PRKAR1B: variants seen among roughly 807,000 people sequenced by gnomAD.
PRKAR1B encodes cAMP-dependent protein kinase type I-beta regulatory subunit.
A neutral mutation model predicts 46.5 loss-of-function variants in PRKAR1B; 22 were observed. The observed-to-expected ratio is 0.47, with a 90% CI of 0.34 to 0.68. The LOEUF (loss-of-function observed/expected upper bound fraction) is 0.68, where lower values mean the gene tolerates loss of function less well. Ranked by LOEUF, PRKAR1B falls within the 30% of genes least tolerant of loss-of-function variation. The pLI, the probability that PRKAR1B is intolerant of heterozygous loss-of-function variation, is 0.01. For missense variants in PRKAR1B, 445 were observed against 535.6 expected (o/e 0.83, Z 1.67); for synonymous variants, 259 against 217.7 (o/e 1.19, Z -1.67).
intron 1 of PRKAR1B, among the ~76,000 whole-genome samples, chr7:726,150 T>C (rs776203349): frequency 2.0e-5 from 3 of 152,174 alleles, no homozygotes; most frequent in Non-Finnish European, 4.4e-5. Flanking sequence ...TCTTGATAAA[T>C]TGGCTCTACC....
intron 9 of PRKAR1B, among the ~76,000 whole-genome samples, chr7:575,114 G>A (rs1217041983): frequency 6.6e-6 from 1 of 152,254 alleles, no homozygotes; most frequent in Non-Finnish European, 1.5e-5. Context: ...CAGTTCGGGG[G>A]TTGGAGGGGC....
intron 10 of PRKAR1B, 54 bp downstream of exon 10, chr7:551,335 C>A (rs1405199143): frequency 6.6e-7 from 1 of 1,520,610 alleles, no homozygotes; most frequent in Non-Finnish European, 8.9e-7. Flanking sequence ...CCTCCCGAGA[C>A]CCCAAATGAG....
chr7:725,907 G>A (rs1281202374), intron 1 of PRKAR1B, among the ~76,000 whole-genome samples: 6 of 152,180 alleles, frequency 3.9e-5, no homozygotes, highest in African/African-American at 1.4e-4. Flanking sequence ...ACAGAAGACA[G>A]CAAGAGAATC....
chr7:583,952 C>A (rs946504121), intron 8 of PRKAR1B, among the ~76,000 whole-genome samples: 1 of 152,232 alleles, frequency 6.6e-6, no homozygotes, highest in East Asian at 1.9e-4. Context: ...GTCTTTCCTG[C>A]CAGGCCGTTA....
intron 2 of PRKAR1B, among the ~76,000 whole-genome samples, chr7:692,689 G>A (rs1033405438): frequency 2.0e-5 from 3 of 152,132 alleles, no homozygotes; most frequent in African/African-American, 7.2e-5. Flanking sequence ...GCCAAACTGC[G>A]CTCATACCAG....
intron 4 of PRKAR1B, among the ~76,000 whole-genome samples, chr7:627,831 C>T (rs896470153): frequency 6.6e-6 from 1 of 152,234 alleles, no homozygotes; most frequent in Admixed American, 6.5e-5. Context: ...CAACTCCACT[C>T]GGCCCTCACT....
intron 4 of PRKAR1B, among the ~76,000 whole-genome samples, chr7:647,515 CG>C (rs912933725): frequency 1.3e-5 from 2 of 152,050 alleles, no homozygotes; most frequent in African/African-American, 2.4e-5. Flanking sequence ...TCTTAAAACA[CG>C]TACCTCCAGG....
At chr7:674,269 G>C (rs1028866343) in intron 4 of PRKAR1B, among the ~76,000 whole-genome samples, 1 of 150,864 alleles carries the variant, frequency 6.6e-6, no homozygotes, top group Non-Finnish European at 1.5e-5. Context: ...GCCACACCCA[G>C]CTACTCTAGT....
intron 4 of PRKAR1B, among the ~76,000 whole-genome samples, chr7:608,758 T>A (rs111897169): frequency 4.4e-5 from 4 of 91,404 alleles, no homozygotes; most frequent in African/African-American, 2.2e-4. Flanking sequence ...TAGGGAAGGC[T>A]GGGGGGCCTC....
rs559735729 is a variant in PRKAR1B, at chr7:658,154, C to T, written c.440+19075G>A. Among the ~76,000 whole-genome samples, 14 of 152,182 alleles carry T rather than the reference C, an allele frequency of 9.2e-5. No homozygotes were observed. The South Asian group carries it at 1.0e-3, about 11-fold the overall frequency. On this transcript the variant is annotated intron_variant, in intron 4 of 10. Transcript: ENST00000537384. ...ACTAGATCAAAAATTAGCAACTTGGCGGGGTCCGGTGGCTCACACCTGTAA... is the reference window on the plus strand; with the variant it reads ...ACTAGATCAAAAATTAGCAACTTGGTGGGGTCCGGTGGCTCACACCTGTAA...
intron 7 of PRKAR1B, among the ~76,000 whole-genome samples, chr7:595,154 G>T (rs981617179): frequency 5.9e-5 from 9 of 152,230 alleles, no homozygotes; most frequent in East Asian, 1.9e-4. Flanking sequence ...ACTGCCCCAC[G>T]CGGGAAGGCC....
chr7:719,091 G>T (rs1464556173), intron 1 of PRKAR1B, among the ~76,000 whole-genome samples: 2 of 152,026 alleles, frequency 1.3e-5, no homozygotes, highest in East Asian at 3.9e-4. Flanking sequence ...CCAGGCTGGA[G>T]TGCAGTGGCC....
At position 655,130 on chromosome 7, in the gene PRKAR1B, C is replaced by G. The variant is rs548156871; in HGVS notation, c.440+22099G>C. Among the ~76,000 whole-genome samples, 5 of 152,316 alleles carry G rather than the reference C, an allele frequency of 3.3e-5. No individual in the cohort carries two copies. The South Asian group carries it at 1.0e-3, about 32-fold the overall frequency. On this transcript the variant is annotated intron_variant, in intron 4 of 10. Coordinates refer to ENST00000537384, the MANE Select transcript of PRKAR1B (RefSeq NM_001164760.2). ...TGCCCTTGTCCCCCTACCTTCTATT[C>G]TTAGTGGAGAGCCAGACAGACCCTG...
intron 9 of PRKAR1B, among the ~76,000 whole-genome samples, chr7:573,280 C>T (rs78975910): frequency 0.078 from 11,881 of 152,268 alleles, 569 homozygotes; most frequent in East Asian, 0.21. Context: ...AGTTTCGTCC[C>T]GGAGGACGTG....
chr7:559,313 G>A (rs749042127), intron 9 of PRKAR1B, among the ~76,000 whole-genome samples: 14 of 152,164 alleles, frequency 9.2e-5, no homozygotes, highest in Non-Finnish European at 1.6e-4. Context: ...GGAGCCAGCC[G>A]GAGAAGACGT....
rs565990460 is a variant in PRKAR1B, at chr7:684,125, T to A, written c.178-3399A>T. ...ACGTGCACCAATGCCCACCTCTACG[T>A]GTGTGCTGATGCCCACCTCTGTGTA... On this transcript the variant is annotated intron_variant, in intron 2 of 10. Coordinates refer to ENST00000537384, the MANE Select transcript of PRKAR1B (RefSeq NM_001164760.2). Among the ~76,000 whole-genome samples, 3 of 151,026 alleles carry A rather than the reference T, an allele frequency of 2.0e-5. No homozygotes were observed. In the East Asian group the frequency reaches 5.9e-4, roughly 29 times the overall value.
intron 9 of PRKAR1B, among the ~76,000 whole-genome samples, chr7:571,973 G>A (rs1014424974): frequency 2.0e-5 from 3 of 152,342 alleles, no homozygotes; most frequent in South Asian, 2.1e-4. Flanking sequence ...CCGGAGGCAG[G>A]GCACAGAGAT....
At chr7:637,022 T>C (rs756872350) in intron 4 of PRKAR1B, among the ~76,000 whole-genome samples, 9 of 152,140 alleles carry the variant, frequency 5.9e-5, no homozygotes, top group Non-Finnish European at 1.3e-4. Context: ...GTGTGGTGGT[T>C]CACACCTAAT....
At chr7:594,760 G>A (rs1583268100) in intron 7 of PRKAR1B, among the ~76,000 whole-genome samples, 1 of 151,584 alleles carries the variant, frequency 6.6e-6, no homozygotes, top group African/African-American at 2.4e-5. Flanking sequence ...GACCATGAGG[G>A]GACTCCCCCA....
Sources: gnomAD v4.1 joint callset for allele counts (sites outside exome capture counted in the v4.1 genomes callset) on GRCh38, gnomAD v4.1.1 for gene constraint, MANE v1.5 for transcripts, NCBI Gene and HGNC (gene_info 2026-07-23, HGNC 2026-07-21) for gene names.